Variants in MPDZ observed in about 807,000 individuals in gnomAD.
The protein encoded by MPDZ is multiple PDZ domain protein.
In MPDZ, 234 loss-of-function variants were observed where a neutral mutation model predicts 239.1. The observed-to-expected ratio is 0.98, with a 90% CI of 0.88 to 1.09. MPDZ has a LOEUF of 1.09. Among genes scored for constraint, MPDZ ranks in the 50% least tolerant of loss-of-function variants. The pLI, the probability that MPDZ is intolerant of heterozygous loss-of-function variation, is 0.00. For synonymous variants in MPDZ, 1,048 were observed against 881.3 expected (o/e 1.19, Z -3.35); for missense variants, 3,175 against 2,510.0 (o/e 1.26, Z -5.66).
Position 13,125,217 on chromosome 9 carries a change from T to G in MPDZ, c.4806A>C (p.Arg1602=), listed in dbSNP as rs938969112. 7 of 1,590,224 alleles carry G rather than the reference T, an allele frequency of 4.4e-6. No individual in the cohort carries two copies. Among genetic ancestry groups the G allele is most frequent in the Non-Finnish European group, 5.1e-6 (6 of 1,165,742 alleles). Residue 1602 remains arginine, a splice_region_variant and synonymous_variant, in exon 35 of 47, where the codon CGA becomes CGC. Transcript: ENST00000319217. ...CTCTCATGAGTCCAGAGGCCTTACT[T>G]CGGATGGACTCCGGTTCTGGGGAGC... The part of the protein sequence containing the change: ...QSGSPEPESI[R]NTSRSSTPAI...
chr9:13,136,320 G>GTTT lies in MPDZ; in HGVS notation c.4293-141_4293-139dup, dbSNP rs1444109820. 83 of 194,568 alleles carry GTTT rather than the reference G, an allele frequency of 4.3e-4. 1 individual carries two copies. Among genetic ancestry groups the GTTT allele is most frequent in the African/African-American group, 2.3e-3 (34 of 15,102 alleles). 12.1% of individuals were successfully genotyped at this position (194,568 alleles called of 1,614,324 possible). A position where few individuals can be genotyped will look rare whatever the true frequency, so the allele number is the denominator to read the frequency against. On this transcript the variant is annotated intron_variant, in intron 30 of 46. Coordinates refer to ENST00000319217, the MANE Select transcript of MPDZ (RefSeq NM_001378778.1). ...CTGTGACACTTACAAATTTACAAAC[G>GTTT]TTTTCTTTTTTTTTTTTTTTTTTTT...
At chr9:13,192,043 A>G (rs1281008037) in intron 15 of MPDZ, 88 bp downstream of exon 15, 1 of 1,199,278 alleles carries the variant, frequency 8.3e-7, no homozygotes, top group Non-Finnish European at 1.1e-6. Flanking sequence ...TAAATCAAAT[A>G]CCAAATTGAA....
At chr9:13,115,967 A>C (rs1390299449) in intron 39 of MPDZ, among the ~76,000 whole-genome samples, 1 of 151,236 alleles carries the variant, frequency 6.6e-6, no homozygotes, top group East Asian at 1.9e-4. Context: ...AAAAAAAAAA[A>C]AAAAAAGCGA....
chr9:13,181,246 C>G (rs571994369), intron 19 of MPDZ, among the ~76,000 whole-genome samples: 1 of 152,034 alleles, frequency 6.6e-6, no homozygotes, highest in Non-Finnish European at 1.5e-5. Flanking sequence ...ATATACTATA[C>G]GGTATTACTT....
At chr9:13,161,958 A>G (rs992974932) in intron 23 of MPDZ, among the ~76,000 whole-genome samples, 3 of 152,142 alleles carry the variant, frequency 2.0e-5, no homozygotes, top group African/African-American at 7.2e-5. Flanking sequence ...AGAGCAAGAA[A>G]ATTACAAATA....
chr9:13,111,427 T>C (rs1022350969), intron 43 of MPDZ, among the ~76,000 whole-genome samples: 2 of 152,204 alleles, frequency 1.3e-5, no homozygotes, highest in African/African-American at 4.8e-5. Flanking sequence ...TGAGACCTAT[T>C]TGAGGTATGA....
At position 13,143,513 on chromosome 9, in the gene MPDZ, T is replaced by C. The variant is rs752016786; in HGVS notation, c.3793A>G (p.Ser1265Gly). ...GAGTCAGCAAATGGGTTAGTGCTGCTGAAGTTGTACTTAGGGTAAAGGTTG... is the reference window on the plus strand; with the variant it reads ...GAGTCAGCAAATGGGTTAGTGCTGCCGAAGTTGTACTTAGGGTAAAGGTTG... ...LHNLYPKYNFSSTNPFADSLQ... is the reference protein window; with the variant it reads ...LHNLYPKYNFGSTNPFADSLQ... Residue 1265 changes from serine to glycine, a missense_variant, in exon 27 of 47, where the codon AGC (serine) becomes GGC (glycine). Coordinates refer to ENST00000319217, the MANE Select transcript of MPDZ (RefSeq NM_001378778.1). 12 of 1,613,146 alleles carry C rather than the reference T, an allele frequency of 7.4e-6. No homozygotes were observed. The highest frequency in any genetic ancestry group is 1.0e-5 in the Non-Finnish European group (12 of 1,179,270).
At position 13,215,760 on chromosome 9, in the gene MPDZ, T is replaced by TTG. The variant is rs1440906111; in HGVS notation, c.1290+1013_1290+1014insCA. ...CAGGTTTCTCTATTGCAGGTTTTTTTTTTTTTTTTTTTTTGTCTTTTTTTA... is the reference window on the plus strand; with the variant it reads ...CAGGTTTCTCTATTGCAGGTTTTTTTTGTTTTTTTTTTTTTTGTCTTTTTTTA... On this transcript the variant is annotated intron_variant, in intron 10 of 46. Transcript: ENST00000319217. Among the ~76,000 whole-genome samples, 55 of 135,198 alleles carry TTG rather than the reference T, an allele frequency of 4.1e-4. 2 individuals carry two copies. The East Asian group carries it at 0.011, about 27-fold the overall frequency. The allele number at this position is 135,198 out of a possible 152,430, so 88.7% of individuals were successfully genotyped here.
intron 30 of MPDZ, 138 bp from the exon 31 acceptor site, chr9:13,136,320 G>GTTTTATTTTTTTTTTT: frequency 5.2e-6 from 1 of 193,264 alleles, no homozygotes; most frequent in Non-Finnish European, 8.3e-6. Context: ...ATTTACAAAC[G>GTTTTATTTTTTTTTTT]TTTTCTTTTT....
At chr9:13,159,326 C>T (rs1484227701) in intron 23 of MPDZ, among the ~76,000 whole-genome samples, 1 of 152,096 alleles carries the variant, frequency 6.6e-6, no homozygotes. Context: ...GTTTGAATTT[C>T]CCTCCTGTGC....
At chr9:13,259,267 G>A (rs1970122173) in intron 1 of MPDZ, among the ~76,000 whole-genome samples, 1 of 151,858 alleles carries the variant, frequency 6.6e-6, no homozygotes, top group African/African-American at 2.4e-5. Flanking sequence ...TCCTGCCTCA[G>A]TCTCCCCAGT....
chr9:13,125,498 G>A (rs1944979606), intron 34 of MPDZ, 108 bp from the exon 35 acceptor site: 5 of 985,190 alleles, frequency 5.1e-6, no homozygotes, highest in Admixed American at 2.6e-5. Context: ...TGGTTAAGGG[G>A]AGGGACAGAT....
intron 45 of MPDZ, among the ~76,000 whole-genome samples, 161 bp from the exon 46 acceptor site, chr9:13,109,220 A>G (rs1284754157): frequency 6.6e-6 from 1 of 152,174 alleles, no homozygotes; most frequent in Non-Finnish European, 1.5e-5. Context: ...TTGTCAGTGC[A>G]TGCTGTGCTT....
chr9:13,220,145 T>C (rs1199553280), intron 7 of MPDZ, among the ~76,000 whole-genome samples: 1 of 151,964 alleles, frequency 6.6e-6, no homozygotes, highest in African/African-American at 2.4e-5. Context: ...CAAATATATA[T>C]TACCTAAAAT....
chr9:13,245,467 T>C (rs191465671), intron 3 of MPDZ, among the ~76,000 whole-genome samples: 1 of 151,714 alleles, frequency 6.6e-6, no homozygotes, highest in Non-Finnish European at 1.5e-5. Context: ...AAAACTGAGT[T>C]CTAGTTCTAC....
chr9:13,251,384 A>G lies in MPDZ; in HGVS notation c.-57-1012T>C, dbSNP rs1967969316. On this transcript the variant is annotated intron_variant, in intron 1 of 46. Coordinates refer to ENST00000319217, the MANE Select transcript of MPDZ (RefSeq NM_001378778.1). Reference sequence around the variant, plus strand: ...TCTCATCTTTCTCTAACAATACTTAACTAGATTCTTTGAAATACTGGATAC... The same window carrying G: ...TCTCATCTTTCTCTAACAATACTTAGCTAGATTCTTTGAAATACTGGATAC... Among the ~76,000 whole-genome samples, 5 of 152,144 alleles carry G rather than the reference A, an allele frequency of 3.3e-5. No individual in the cohort carries two copies. The South Asian group carries it at 1.0e-3, about 32-fold the overall frequency.
chr9:13,114,782 C>A (rs1943111219), intron 40 of MPDZ, among the ~76,000 whole-genome samples: 1 of 151,942 alleles, frequency 6.6e-6, no homozygotes, highest in African/African-American at 2.4e-5. Context: ...CGCCTGTAGT[C>A]CCAGCTACTC....
chr9:13,228,712 AAT>A (rs1332373798), intron 3 of MPDZ, among the ~76,000 whole-genome samples: 1 of 152,114 alleles, frequency 6.6e-6, no homozygotes, highest in African/African-American at 2.4e-5. Context: ...TTTTATCATA[AAT>A]ATATTTTACA....
chr9:13,166,209 T>A (rs1441483529), intron 22 of MPDZ, among the ~76,000 whole-genome samples: 1 of 152,116 alleles, frequency 6.6e-6, no homozygotes. Flanking sequence ...TATGGTTCTA[T>A]TCAGAGTAAT....
Sources: gnomAD v4.1 joint callset for allele counts (sites outside exome capture counted in the v4.1 genomes callset) on GRCh38, gnomAD v4.1.1 for gene constraint, MANE v1.5 for transcripts, NCBI Gene and HGNC (gene_info 2026-07-23, HGNC 2026-07-21) for gene names.